ABCC8: variants seen among roughly 807,000 people sequenced by gnomAD.
ABCC8 encodes the protein ATP-binding cassette sub-family C member 8.
ABCC8 carries 137 observed loss-of-function variants against 188.0 expected under a neutral mutation model. The observed-to-expected ratio is 0.73, with a 90% CI of 0.63 to 0.84. The LOEUF is 0.84. ABCC8 is among the 40% of genes least tolerant of loss of function. The probability of loss-of-function intolerance (pLI) is 0.00; values close to 1 mark genes in which losing one functional copy is unlikely to be tolerated. For missense variants in ABCC8, 1,750 were observed against 2,072.7 expected (o/e 0.84, Z 3.02); for synonymous variants, 797 against 846.5 (o/e 0.94, Z 1.01).
intron 18 of ABCC8, among the ~76,000 whole-genome samples, chr11:17,414,962 A>G (rs952665382): frequency 1.3e-5 from 2 of 151,334 alleles, no homozygotes; most frequent in African/African-American, 4.9e-5. Flanking sequence ...CCCTCAAGCC[A>G]CTGGACTTTG....
In ABCC8 at chr11:17,423,412, C is replaced by T. The variant is rs984916387; in HGVS notation, c.2222+3637G>A. The stretch of plus-strand genomic sequence containing the variant: ...CCACGTCTTAGTCACCTTTGCACTC[C>T]TGTTGCTGTCACAGGGTCTAGTATA... On this transcript the variant is annotated intron_variant, in intron 16 of 38. Coordinates refer to ENST00000389817, the MANE Select transcript of ABCC8 (RefSeq NM_000352.6). Among the ~76,000 whole-genome samples the T allele has an allele frequency of 2.0e-5, 3 of 150,270 alleles. No homozygotes were observed. In the South Asian group the frequency reaches 6.3e-4, roughly 32 times the overall value.
intron 35 of ABCC8, 166 bp downstream of exon 35, chr11:17,395,444 G>A (rs774934078): frequency 2.8e-5 from 41 of 1,475,484 alleles, no homozygotes; most frequent in Non-Finnish European, 3.5e-5. Flanking sequence ...CATGGGTGGG[G>A]GATCCCCTTC....
chr11:17,407,059 C>G lies in ABCC8; in HGVS notation c.2991G>C (p.Trp997Cys). 6.2e-7 allele frequency: 1 copy of G among 1,614,106 alleles called. No homozygotes were observed. Among genetic ancestry groups the G allele is most frequent in the Non-Finnish European group, 8.5e-7 (1 of 1,180,038 alleles). The change falls in exon 25 of 39, where the codon TGG (tryptophan) becomes TGC (cysteine). Residue 997 changes from tryptophan to cysteine, a missense_variant. Physicochemically the swap from Trp to Cys is radical, Grantham distance 215 (BLOSUM62 -2). Coordinates refer to ENST00000389817, the MANE Select transcript of ABCC8 (RefSeq NM_000352.6). Reference protein sequence around the residue: ...SMLHQRAEIPWRACAKYLSSA... With the variant: ...SMLHQRAEIPCRACAKYLSSA... ...AGGACAGGTACTTGGCGCAGGCTCG[C>G]CATGGGATCTCAGCACGCTGGTGCA...
At chr11:17,453,370 G>A in intron 6 of ABCC8, 87 bp from the exon 7 acceptor site, 3 of 1,557,378 alleles carry the variant, frequency 1.9e-6, no homozygotes, top group Non-Finnish European at 2.6e-6. Context: ...ATGGACCACG[G>A]CCATCATTAT....
intron 5 of ABCC8, 119 bp downstream of exon 5, chr11:17,461,464 C>T: frequency 7.4e-7 from 1 of 1,350,932 alleles, no homozygotes; most frequent in Non-Finnish European, 1.0e-6. Flanking sequence ...CTTCCCCTCA[C>T]CAGCCTCAGT....
At chr11:17,413,313 C>A in intron 20 of ABCC8, 81 bp downstream of exon 20, 1 of 1,566,820 alleles carries the variant, frequency 6.4e-7, no homozygotes, top group South Asian at 1.1e-5. Flanking sequence ...TCCTAGTTAC[C>A]CATTGTCCTG....
chr11:17,400,618 C>T, intron 29 of ABCC8, among the ~76,000 whole-genome samples: 1 of 152,144 alleles, frequency 6.6e-6, no homozygotes, highest in South Asian at 2.1e-4. Context: ...CGCCACTGAG[C>T]CCAGTGCTGG....
At chr11:17,464,245 A>C (rs1848007764) in intron 3 of ABCC8, among the ~76,000 whole-genome samples, 1 of 152,220 alleles carries the variant, frequency 6.6e-6, no homozygotes, top group Non-Finnish European at 1.5e-5. Context: ...GCCCAAGTGC[A>C]CTGGCAGCTA....
chr11:17,460,413 A>T (rs578031655), intron 6 of ABCC8, 75 bp downstream of exon 6: 2 of 1,607,178 alleles, frequency 1.2e-6, no homozygotes, highest in African/African-American at 1.3e-5. Flanking sequence ...GCTCACACAC[A>T]TTGGCCTGTT....
At chr11:17,396,026 C>G in intron 33 of ABCC8, 96 bp from the exon 34 acceptor site, 1 of 1,537,528 alleles carries the variant, frequency 6.5e-7, no homozygotes, top group Non-Finnish European at 8.7e-7. Context: ...TGTGGGAGGT[C>G]ACAGGGTATC....
chr11:17,398,961 C>T (rs948370373), intron 29 of ABCC8: 3 of 186,772 alleles, frequency 1.6e-5, no homozygotes, highest in South Asian at 1.2e-4. Flanking sequence ...TCCTCTCCCC[C>T]ACTGTTTAGA....
chr11:17,452,465 T>C (rs1348342236), intron 7 of ABCC8, among the ~76,000 whole-genome samples: 1 of 152,200 alleles, frequency 6.6e-6, no homozygotes, highest in African/African-American at 2.4e-5. Context: ...CTTCAGATCA[T>C]CAGGCATTAG....
chr11:17,435,534 G>A (rs1255188250), intron 10 of ABCC8: 1 of 1,159,588 alleles, frequency 8.6e-7, no homozygotes. Context: ...GTACTCTACT[G>A]CTCCAAGGGG....
intron 16 of ABCC8, 61 bp from the exon 17 acceptor site, chr11:17,417,023 T>C (rs1955113028): frequency 6.2e-7 from 1 of 1,610,586 alleles, no homozygotes; most frequent in African/African-American, 1.3e-5. Context: ...TGCCTTTCCA[T>C]CACGCTGAGT....
rs150151029 is a variant in ABCC8 at position 17,396,943 on chromosome 11, G to A, written c.4092C>T (p.Val1364=). 6.2e-6 allele frequency: 10 copies of A among 1,614,212 alleles called. No homozygotes were observed. The highest frequency in any genetic ancestry group is 1.7e-5 in the Admixed American group (1 of 60,036). The change falls in exon 33 of 39, where the codon GTC becomes GTT. Residue 1364 remains valine (V), a synonymous_variant. Transcript: ENST00000389817. ...TCTGTCCAGGGGCGATGAGGGCATTGACGTGCTTCAGCACCGGCTTCAGGG... is the reference window on the plus strand; with the variant it reads ...TCTGTCCAGGGGCGATGAGGGCATTAACGTGCTTCAGCACCGGCTTCAGGG... ...DSSLKPVLKH[V]NALIAPGQKI...
chr11:17,410,218 CAG>C, intron 22 of ABCC8: 1 of 373,156 alleles, frequency 2.7e-6, no homozygotes, highest in East Asian at 4.8e-5. Flanking sequence ...GGGCAGGAAT[CAG>C]AAGGTGAGAA....
intron 20 of ABCC8, chr11:17,413,063 G>T: frequency 1.6e-6 from 1 of 606,678 alleles, no homozygotes; most frequent in East Asian, 3.0e-5. Context: ...GTTCGTCTAA[G>T]CTTGTGGAGG....
At chr11:17,452,646 A>G (rs958300114) in intron 7 of ABCC8, among the ~76,000 whole-genome samples, 3 of 152,214 alleles carry the variant, frequency 2.0e-5, no homozygotes, top group Non-Finnish European at 4.4e-5. Flanking sequence ...CTAACAGGCC[A>G]TGGACCAATA....
At chr11:17,436,676 A>G (rs1319295600) in intron 10 of ABCC8, among the ~76,000 whole-genome samples, 3 of 152,262 alleles carry the variant, frequency 2.0e-5, no homozygotes, top group East Asian at 3.8e-4. Context: ...TGTTATGGAA[A>G]AGTTTAGTTG....
Sources: allele counts gnomAD v4.1 joint callset (sites outside exome capture counted in the v4.1 genomes callset), GRCh38; gene constraint gnomAD v4.1.1; transcripts MANE v1.5; gene names NCBI Gene and HGNC (gene_info 2026-07-23, HGNC 2026-07-21).